XXYLT1: variants seen among roughly 807,000 people sequenced by gnomAD.
XXYLT1 encodes the protein xyloside xylosyltransferase 1.
XXYLT1 carries 20 observed loss-of-function variants against 28.9 expected under a neutral mutation model. The ratio of observed to expected loss-of-function variants is 0.69; its 90% CI spans 0.49 to 1.00. The LOEUF (loss-of-function observed/expected upper bound fraction) is 1.00, where lower values mean the gene tolerates loss of function less well. Ranked by LOEUF, XXYLT1 falls within the 50% of genes least tolerant of loss-of-function variation. The pLI is 0.00. For missense variants in XXYLT1, 542 were observed against 560.1 expected (o/e 0.97, Z 0.33); for synonymous variants, 257 against 253.8 (o/e 1.01, Z -0.12).
At chr3:195,155,213 T>C (rs1236879191) in intron 3 of XXYLT1, among the ~76,000 whole-genome samples, 3 of 152,210 alleles carry the variant, frequency 2.0e-5, no homozygotes, top group Non-Finnish European at 2.9e-5. Context: ...GAGCTGAAGC[T>C]GCCTCTTCAC....
chr3:195,256,379 G>C lies in XXYLT1; in HGVS notation c.504+14176C>G, dbSNP rs1359238680. 6.6e-6 allele frequency: 4 copies of C among 603,158 alleles called. No individual in the cohort carries two copies. The Admixed American group carries it at 2.5e-4, about 38-fold the overall frequency. 37.4% of individuals were successfully genotyped at this position (603,158 alleles called of 1,614,324 possible). A position where few individuals can be genotyped will look rare whatever the true frequency, so the allele number is the denominator to read the frequency against. ...TGACGATAAACCTGAGACAGCTCTG[G>C]TCATTCCAAGTCCCTCGCCCTCATG... On this transcript the variant is annotated intron_variant, in intron 1 of 3. Transcript: ENST00000310380. The surrounding 1 kb of genome is among the most constrained non-coding windows in gnomAD (Gnocchi z 4.2).
At chr3:195,086,728 G>T (rs917786354) in intron 3 of XXYLT1, among the ~76,000 whole-genome samples, 1 of 152,072 alleles carries the variant, frequency 6.6e-6, no homozygotes, top group Non-Finnish European at 1.5e-5. Flanking sequence ...CTTTGGTGAT[G>T]GGGGGGAGGG....
At chr3:195,172,964 G>C (rs1021473851) in intron 2 of XXYLT1, among the ~76,000 whole-genome samples, 13 of 152,204 alleles carry the variant, frequency 8.5e-5, no homozygotes, top group African/African-American at 3.1e-4. Context: ...GCCGTGGCTA[G>C]AGAGCTAGGT....
rs61196221 is a variant in XXYLT1 at position 195,204,476 on chromosome 3, A to ACTCTCTCTCTCT, written c.652+22221_652+22232dup. ...CGCACACACACACACTCACTCTCTC[A>ACTCTCTCTCTCT]CTCTCTCTCTCTCTCTCTCTCTCTC... On this transcript the variant is annotated intron_variant, in intron 2 of 3. Transcript: ENST00000310380. Among the ~76,000 whole-genome samples, 591 of 125,942 alleles carry ACTCTCTCTCTCT rather than the reference A, an allele frequency of 4.7e-3. 6 individuals are homozygous for ACTCTCTCTCTCT. Among genetic ancestry groups the ACTCTCTCTCTCT allele is most frequent in the African/African-American group, 0.016 (570 of 35,854 alleles). 82.6% of individuals were successfully genotyped at this position (125,942 alleles called of 152,430 possible). A position where few individuals can be genotyped will look rare whatever the true frequency, so the allele number is the denominator to read the frequency against.
At chr3:195,212,747 A>G (rs1280695416) in intron 2 of XXYLT1, among the ~76,000 whole-genome samples, 1 of 151,324 alleles carries the variant, frequency 6.6e-6, no homozygotes, top group Non-Finnish European at 1.5e-5. Flanking sequence ...GCCCCCAACC[A>G]CCCCTCGGTC....
At chr3:195,183,148 T>A (rs780924098) in intron 2 of XXYLT1, among the ~76,000 whole-genome samples, 4 of 152,212 alleles carry the variant, frequency 2.6e-5, no homozygotes, top group Non-Finnish European at 5.9e-5. Context: ...ATTACCCTGT[T>A]CCACTCACTG....
chr3:195,076,950 G>A lies in XXYLT1; in HGVS notation c.786-6839C>T, dbSNP rs1371244538. ...AAAGGTGACACTCAGAAGTGCTGGG[G>A]GCTAGGATTTCTGCAGAGGAATTCT... On this transcript the variant is annotated intron_variant, in intron 3 of 3. Transcript: ENST00000310380. The surrounding 1 kb of genome is among the most constrained non-coding windows in gnomAD (Gnocchi z 5.3). 2.0e-5 allele frequency among the ~76,000 whole-genome samples: 3 copies of A among 152,168 alleles called. No homozygotes were observed. The highest frequency in any genetic ancestry group is 7.2e-5 in the African/African-American group (3 of 41,410).
chr3:195,113,640 T>A (rs1298738052), intron 3 of XXYLT1, among the ~76,000 whole-genome samples: 2 of 152,156 alleles, frequency 1.3e-5, no homozygotes, highest in Non-Finnish European at 2.9e-5. Flanking sequence ...TTTCATGAGC[T>A]TTTTGCTTTA....
intron 3 of XXYLT1, among the ~76,000 whole-genome samples, chr3:195,130,316 C>A (rs1718840073): frequency 6.6e-6 from 1 of 152,194 alleles, no homozygotes; most frequent in Non-Finnish European, 1.5e-5. Flanking sequence ...ACTCAGTAGA[C>A]AGGGACTATC....
At chr3:195,189,045 A>C (rs1401130601) in intron 2 of XXYLT1, among the ~76,000 whole-genome samples, 1 of 152,124 alleles carries the variant, frequency 6.6e-6, no homozygotes, top group African/African-American at 2.4e-5. Context: ...AGCACTTACT[A>C]TGTGCCAGTC....
chr3:195,145,109 T>C (rs1376963842), intron 3 of XXYLT1, among the ~76,000 whole-genome samples: 1 of 152,230 alleles, frequency 6.6e-6, no homozygotes, highest in Non-Finnish European at 1.5e-5. Flanking sequence ...CTGCTTTCTT[T>C]AGAGTTCCAA....
intron 2 of XXYLT1, among the ~76,000 whole-genome samples, chr3:195,166,349 C>T (rs1314398397): frequency 3.9e-5 from 6 of 152,102 alleles, no homozygotes; most frequent in African/African-American, 1.5e-4. Flanking sequence ...AAATACAATG[C>T]ACCAAACTGA....
intron 3 of XXYLT1, among the ~76,000 whole-genome samples, chr3:195,153,233 CAGGTCCCCAG>C (rs796536969): frequency 1.4e-4 from 22 of 152,348 alleles, no homozygotes; most frequent in African/African-American, 4.6e-4. Flanking sequence ...CCGGATCTCC[CAGGTCCCCAG>C]AGGTCCCCAG....
intron 3 of XXYLT1, among the ~76,000 whole-genome samples, chr3:195,151,747 T>C (rs978389711): frequency 2.6e-5 from 4 of 152,162 alleles, no homozygotes; most frequent in African/African-American, 9.7e-5. Flanking sequence ...TTGTTATTTA[T>C]GTGAAGTTCC....
Position 195,168,168 on chromosome 3 carries a change from C to A in XXYLT1, c.653-11587G>T, listed in dbSNP as rs1436351148. Among the ~76,000 whole-genome samples, 1 of 152,216 alleles carries A rather than the reference C, an allele frequency of 6.6e-6. No individual in the cohort carries two copies. Among genetic ancestry groups the A allele is most frequent in the Non-Finnish European group, 1.5e-5 (1 of 68,036 alleles). On this transcript the variant is annotated intron_variant, in intron 2 of 3. Coordinates refer to ENST00000310380, the MANE Select transcript of XXYLT1 (RefSeq NM_152531.5). This position sits in a 1 kb window ranked among gnomAD's most constrained non-coding sequence, Gnocchi z 4.3. ...GCGTCCAACCATGGGCAAGCCATCC[C>A]CAGCTGTCGCAGACTGTAAGGATGA...
chr3:195,082,251 C>T (rs1715476461), intron 3 of XXYLT1, among the ~76,000 whole-genome samples: 1 of 152,134 alleles, frequency 6.6e-6, no homozygotes, highest in South Asian at 2.1e-4. Context: ...TTTGCAGAGT[C>T]CTTAGGTTTG....
intron 3 of XXYLT1, among the ~76,000 whole-genome samples, chr3:195,112,438 G>A (rs7649857): frequency 0.27 from 16,837 of 63,382 alleles, 1,043 homozygotes; most frequent in Non-Finnish European, 0.36. Flanking sequence ...GCACACACAC[G>A]CACGCACACC....
intron 2 of XXYLT1, among the ~76,000 whole-genome samples, chr3:195,208,759 G>A (rs918975802): frequency 6.6e-6 from 1 of 152,192 alleles, no homozygotes; most frequent in African/African-American, 2.4e-5. Context: ...TGAGCTGCAT[G>A]AGTCCCACTT....
At chr3:195,169,871 T>A (rs567766388) in intron 2 of XXYLT1, among the ~76,000 whole-genome samples, 1,483 of 135,202 alleles carry the variant, frequency 0.011, 9 homozygotes, top group African/African-American at 0.021. Context: ...ATATATATAT[T>A]TTTTTTTTTT....
Sources: gnomAD v4.1 joint callset for allele counts (sites outside exome capture counted in the v4.1 genomes callset) on GRCh38, gnomAD v4.1.1 for gene constraint, Gnocchi (gnomAD v3.1) non-coding constraint, MANE v1.5 for transcripts, NCBI Gene and HGNC (gene_info 2026-07-23, HGNC 2026-07-21) for gene names.